SLC6A6: variants seen among roughly 807,000 people sequenced by gnomAD.
The protein encoded by SLC6A6 is sodium- and chloride-dependent taurine transporter.
Under a neutral mutation model 68.8 loss-of-function variants are expected in SLC6A6, and 16 were observed. That is an observed-to-expected ratio of 0.23 (90% CI 0.16 to 0.35). The LOEUF is 0.35. Ranked by LOEUF, SLC6A6 falls within the 10% of genes least tolerant of loss-of-function variation. SLC6A6 has a pLI of 1.00. For missense variants in SLC6A6, 474 were observed against 802.8 expected, an observed-to-expected ratio of 0.59 and a Z score of 4.95; for synonymous variants, 312 against 315.4, an observed-to-expected ratio of 0.99 and a Z score of 0.12.
chr3:14,416,928 C>T (rs1160122019), intron 2 of SLC6A6, among the ~76,000 whole-genome samples: 1 of 152,222 alleles, frequency 6.6e-6, no homozygotes, highest in Non-Finnish European at 1.5e-5. Flanking sequence ...ACTGCAGCCT[C>T]GATCTCCCCA....
At chr3:14,415,714 C>T (rs1017039145) in intron 1 of SLC6A6, among the ~76,000 whole-genome samples, 1 of 152,056 alleles carries the variant, frequency 6.6e-6, no homozygotes, top group Non-Finnish European at 1.5e-5. Context: ...ACAACAGAAC[C>T]CCCCCGCTCC....
chr3:14,449,866 C>A (rs1434533584), intron 5 of SLC6A6, among the ~76,000 whole-genome samples: 1 of 152,156 alleles, frequency 6.6e-6, no homozygotes, highest in East Asian at 1.9e-4. Context: ...ATTCTCCTGC[C>A]TCAGCCTCCC....
chr3:14,477,962 G>T lies in SLC6A6; in HGVS notation c.1348-504G>T, dbSNP rs559435874. 6.6e-6 allele frequency among the ~76,000 whole-genome samples: 1 copy of T among 152,182 alleles called. No homozygotes were observed. Among genetic ancestry groups the T allele is most frequent in the East Asian group, 1.9e-4 (1 of 5,180 alleles). ...AGATTGTACTAAGAATGGAAGCCTA[G>T]CATCAAAGCCAGGGCACGCTCTCTC... is the stretch of plus-strand genomic sequence containing the variant. On this transcript the variant is annotated intron_variant, in intron 11 of 14. Transcript: ENST00000622186. The surrounding 1 kb of genome is among the most constrained non-coding windows in gnomAD (Gnocchi z 4.2).
chr3:14,472,136 A>T lies in SLC6A6; in HGVS notation c.1097-69A>T, dbSNP rs1700765901. 8.6e-6 allele frequency: 8 copies of T among 934,928 alleles called. No individual in the cohort carries two copies. The South Asian group carries it at 1.1e-4, about 13-fold the overall frequency. 57.9% of individuals were successfully genotyped at this position (934,928 alleles called of 1,614,324 possible). A position where few individuals can be genotyped will look rare whatever the true frequency, so the allele number is the denominator to read the frequency against. ...GGTCTGAGTGTCTTTGTGTGAGCCCAGGGTTCCCAGTGGCTTGGTGGCTGA... is the reference window on the plus strand; with the variant it reads ...GGTCTGAGTGTCTTTGTGTGAGCCCTGGGTTCCCAGTGGCTTGGTGGCTGA... On this transcript the variant is annotated intron_variant, in intron 9 of 14. Coordinates refer to ENST00000622186, the MANE Select transcript of SLC6A6 (RefSeq NM_003043.6). The surrounding 1 kb of genome is among the most constrained non-coding windows in gnomAD (Gnocchi z 4.5).
chr3:14,465,948 T>C (rs866307195), intron 6 of SLC6A6, among the ~76,000 whole-genome samples: 1 of 152,198 alleles, frequency 6.6e-6, no homozygotes, highest in African/African-American at 2.4e-5. Flanking sequence ...TTATAGGATG[T>C]TTTTCATTTA....
chr3:14,467,385 C>T (rs1006854635), intron 7 of SLC6A6, among the ~76,000 whole-genome samples: 4 of 152,158 alleles, frequency 2.6e-5, no homozygotes, highest in Non-Finnish European at 4.4e-5. Context: ...CATTCTAACT[C>T]GGGGGTCTGC....
chr3:14,469,168 C>T (rs951784640), intron 9 of SLC6A6, among the ~76,000 whole-genome samples: 55 of 152,272 alleles, frequency 3.6e-4, no homozygotes, highest in African/African-American at 1.3e-3. Context: ...GCACAGTTTA[C>T]TTGGAGGGTG....
At chr3:14,467,087 G>A (rs1226963306) in intron 7 of SLC6A6, among the ~76,000 whole-genome samples, 1 of 152,102 alleles carries the variant, frequency 6.6e-6, no homozygotes, top group Non-Finnish European at 1.5e-5. Context: ...GCCTTGGAGG[G>A]TCCACGGGCA....
chr3:14,479,209 G>T (rs767308985), intron 13 of SLC6A6, 24 bp downstream of exon 13: 1 of 1,443,180 alleles, frequency 6.9e-7, no homozygotes, highest in African/African-American at 1.4e-5. Context: ...CTGTGGCTCT[G>T]GCTGGTGGCC....
At chr3:14,433,805 A>C (rs11707419) in intron 2 of SLC6A6, among the ~76,000 whole-genome samples, 3,066 of 86,656 alleles carry the variant, frequency 0.035, 81 homozygotes, top group Non-Finnish European at 0.038. Context: ...TCTGTCTCAA[A>C]AAAAAAAAAA....
chr3:14,462,642 T>C (rs372818843), intron 6 of SLC6A6, among the ~76,000 whole-genome samples: 3 of 151,822 alleles, frequency 2.0e-5, no homozygotes, highest in South Asian at 4.2e-4. Flanking sequence ...GAGACTGCAG[T>C]GAGCTTTGAT....
chr3:14,473,232 C>T (rs1700794522), intron 10 of SLC6A6, among the ~76,000 whole-genome samples: 1 of 152,156 alleles, frequency 6.6e-6, no homozygotes, highest in African/African-American at 2.4e-5. Context: ...AACAACAGTT[C>T]AGAGCACAGG....
intron 6 of SLC6A6, among the ~76,000 whole-genome samples, chr3:14,464,869 A>G (rs949340676): frequency 6.6e-6 from 1 of 152,186 alleles, no homozygotes; most frequent in African/African-American, 2.4e-5. Context: ...ACCAGTCTCA[A>G]TGTTTCAAGG....
At chr3:14,411,568 C>G (rs1309264941) in intron 1 of SLC6A6, among the ~76,000 whole-genome samples, 1 of 152,208 alleles carries the variant, frequency 6.6e-6, no homozygotes, top group Non-Finnish European at 1.5e-5. Flanking sequence ...ATGGTCTTAC[C>G]TTATACCCAT....
chr3:14,431,574 C>T (rs534724011), intron 2 of SLC6A6, among the ~76,000 whole-genome samples: 2 of 152,272 alleles, frequency 1.3e-5, no homozygotes, highest in South Asian at 2.1e-4. Context: ...GAAACCACAG[C>T]GTGTGCTTCA....
At chr3:14,478,677 G>A (rs1042766114) in intron 12 of SLC6A6, 109 bp downstream of exon 12, 3 of 757,326 alleles carry the variant, frequency 4.0e-6, no homozygotes, top group Non-Finnish European at 4.8e-6. Flanking sequence ...GAGTTGAACA[G>A]TAGGCCCTCC....
intron 10 of SLC6A6, among the ~76,000 whole-genome samples, chr3:14,473,953 C>T (rs1450351864): frequency 2.0e-5 from 3 of 152,188 alleles, no homozygotes; most frequent in African/African-American, 7.2e-5. Flanking sequence ...AGATTTTCTC[C>T]CCAGGAAGTG....
At chr3:14,458,113 C>T (rs1700412412) in intron 6 of SLC6A6, 31 bp downstream of exon 6, 1 of 1,608,190 alleles carries the variant, frequency 6.2e-7, no homozygotes, top group East Asian at 2.2e-5. Flanking sequence ...TCCCCTGCCT[C>T]CTGGAGAGCT....
intron 2 of SLC6A6, among the ~76,000 whole-genome samples, chr3:14,436,477 T>C (rs924764375): frequency 6.9e-6 from 1 of 145,956 alleles, no homozygotes. Context: ...GTGTTGGGAT[T>C]AAAGGTGTGA....
Sources: gnomAD v4.1 joint callset for allele counts (sites outside exome capture counted in the v4.1 genomes callset) on GRCh38, gnomAD v4.1.1 for gene constraint, Gnocchi (gnomAD v3.1) non-coding constraint, MANE v1.5 for transcripts, NCBI Gene and HGNC (gene_info 2026-07-23, HGNC 2026-07-21) for gene names.